The following GABRB1 variants were observed in gnomAD, a reference collection of about 807,000 sequenced individuals.
GABRB1 encodes the protein gamma-aminobutyric acid type A receptor subunit beta1, also known as gamma-aminobutyric acid receptor subunit beta-1.
In GABRB1, 17 loss-of-function variants were observed where a neutral mutation model predicts 51.6. The observed-to-expected ratio is 0.33, with a 90% CI of 0.23 to 0.49. The LOEUF (loss-of-function observed/expected upper bound fraction) is 0.49. GABRB1 is among the 20% of genes least tolerant of loss of function. The probability of loss-of-function intolerance (pLI) is 0.99; values close to 1 mark genes in which losing one functional copy is unlikely to be tolerated. For synonymous variants in GABRB1, 247 were observed against 218.9 expected, an observed-to-expected ratio of 1.13 and a Z score of -1.14; for missense variants, 410 against 600.6, an observed-to-expected ratio of 0.68 and a Z score of 3.32.
intron 4 of GABRB1, among the ~76,000 whole-genome samples, chr4:47,223,690 A>G (rs1010588255): frequency 6.6e-6 from 1 of 152,152 alleles, no homozygotes; most frequent in Non-Finnish European, 1.5e-5. Flanking sequence ...GAATATTCCC[A>G]TGGTCTGAGA....
intron 8 of GABRB1, among the ~76,000 whole-genome samples, chr4:47,414,266 G>T (rs181438219): frequency 6.6e-6 from 1 of 152,134 alleles, no homozygotes; most frequent in Non-Finnish European, 1.5e-5. Context: ...AGGAGGTCCC[G>T]TCGACATGTG....
chr4:47,074,567 TAG>T (rs1345356129), intron 3 of GABRB1, among the ~76,000 whole-genome samples: 1 of 152,174 alleles, frequency 6.6e-6, no homozygotes, highest in African/African-American at 2.4e-5. Context: ...ATAAAGTGCT[TAG>T]CATGTTGCTT....
At chr4:47,230,179 G>T (rs982692363) in intron 4 of GABRB1, among the ~76,000 whole-genome samples, 1 of 152,140 alleles carries the variant, frequency 6.6e-6, no homozygotes, top group African/African-American at 2.4e-5. Context: ...TTTGAGGCTA[G>T]GTAAAAGGAA....
At chr4:47,201,484 C>A (rs6839184) in intron 4 of GABRB1, among the ~76,000 whole-genome samples, 1 of 151,970 alleles carries the variant, frequency 6.6e-6, no homozygotes, top group Admixed American at 6.6e-5. Context: ...TTTATTCTTT[C>A]TCATTCTTTG....
intron 3 of GABRB1, among the ~76,000 whole-genome samples, chr4:47,083,984 G>A (rs1727960626): frequency 6.6e-6 from 1 of 151,446 alleles, no homozygotes; most frequent in Non-Finnish European, 1.5e-5. Flanking sequence ...TTACCCCAAA[G>A]GAAAAAATAT....
At chr4:47,298,021 C>T (rs977800090) in intron 4 of GABRB1, among the ~76,000 whole-genome samples, 4 of 152,108 alleles carry the variant, frequency 2.6e-5, no homozygotes, top group Non-Finnish European at 5.9e-5. Flanking sequence ...GCAGAAAAGG[C>T]CTTTGACAAA....
intron 4 of GABRB1, among the ~76,000 whole-genome samples, chr4:47,211,454 T>C (rs1720354974): frequency 6.6e-6 from 1 of 152,220 alleles, no homozygotes; most frequent in African/African-American, 2.4e-5. Context: ...TAGATGTTTC[T>C]GTCAGGAGAC....
chr4:47,156,487 T>C (rs1717703324), intron 3 of GABRB1, among the ~76,000 whole-genome samples: 1 of 152,046 alleles, frequency 6.6e-6, no homozygotes, highest in Non-Finnish European at 1.5e-5. Context: ...CTAATCTCAC[T>C]GGTGACAACC....
intron 4 of GABRB1, among the ~76,000 whole-genome samples, chr4:47,290,217 T>C (rs1421457963): frequency 6.6e-6 from 1 of 152,182 alleles, no homozygotes; most frequent in Non-Finnish European, 1.5e-5. Flanking sequence ...GGTAATTGAA[T>C]CATGGGGGCA....
chr4:47,413,703 A>G (rs1397595136), intron 8 of GABRB1, among the ~76,000 whole-genome samples: 1 of 152,124 alleles, frequency 6.6e-6, no homozygotes, highest in Non-Finnish European at 1.5e-5. Flanking sequence ...TTCAGTTGTT[A>G]CACATTACTT....
At chr4:47,376,294 C>CA (rs1315726653) in intron 5 of GABRB1, among the ~76,000 whole-genome samples, 1 of 152,126 alleles carries the variant, frequency 6.6e-6, no homozygotes, top group African/African-American at 2.4e-5. Flanking sequence ...ACAACAAACA[C>CA]AAATAAGAGA....
chr4:47,346,266 A>G (rs1726084788), intron 5 of GABRB1, among the ~76,000 whole-genome samples: 1 of 152,190 alleles, frequency 6.6e-6, no homozygotes, highest in African/African-American at 2.4e-5. Context: ...AGAGATGAAT[A>G]GGAGTTAATG....
intron 1 of GABRB1, among the ~76,000 whole-genome samples, chr4:46,999,360 C>T (rs1297280852): frequency 6.6e-6 from 1 of 152,108 alleles, no homozygotes; most frequent in African/African-American, 2.4e-5. Context: ...CATATTCATA[C>T]CATATGACCA....
chr4:47,238,704 C>G (rs753646250), intron 4 of GABRB1, among the ~76,000 whole-genome samples: 1 of 151,878 alleles, frequency 6.6e-6, no homozygotes, highest in Non-Finnish European at 1.5e-5. Context: ...TCCTAAGTGT[C>G]GAAAAGTTTT....
At position 47,246,337 on chromosome 4, in the gene GABRB1, CATATATATATATATAT is replaced by C. The variant is rs60968247; in HGVS notation, c.462-73746_462-73731del. Among the ~76,000 whole-genome samples, 170 of 53,284 alleles carry C rather than the reference CATATATATATATATAT, an allele frequency of 3.2e-3. 2 individuals are homozygous for C. Among genetic ancestry groups the C allele is most frequent in the Non-Finnish European group, 4.6e-3 (113 of 24,484 alleles). The allele number at this position is 53,284 out of a possible 152,430, so 35.0% of individuals were successfully genotyped here. A position where few individuals can be genotyped will look rare whatever the true frequency, so the allele number is the denominator to read the frequency against. On this transcript the variant is annotated intron_variant, in intron 4 of 8. Coordinates refer to ENST00000295454, the MANE Select transcript of GABRB1 (RefSeq NM_000812.4). Reference sequence around the variant, plus strand: ...ACACACACACACACACACATATGTACATATATATATATATATATATATATATATATATATATATATA... The same window carrying C: ...ACACACACACACACACACATATGTACATATATATATATATATATATATATA...
chr4:47,182,582 G>A (rs185539183), intron 4 of GABRB1, among the ~76,000 whole-genome samples: 1 of 151,810 alleles, frequency 6.6e-6, no homozygotes, highest in African/African-American at 2.4e-5. Flanking sequence ...TAATTATTCT[G>A]GTCCTTCTCT....
intron 4 of GABRB1, among the ~76,000 whole-genome samples, chr4:47,251,858 G>A (rs1171195722): frequency 1.3e-5 from 2 of 152,140 alleles, no homozygotes; most frequent in Admixed American, 6.5e-5. Flanking sequence ...ACAGCCCTGA[G>A]TCTATTTTCA....
At chr4:47,360,905 C>T (rs1025074124) in intron 5 of GABRB1, among the ~76,000 whole-genome samples, 4 of 152,066 alleles carry the variant, frequency 2.6e-5, no homozygotes, top group Non-Finnish European at 5.9e-5. Context: ...ATACATCAAA[C>T]ACATTCTAAA....
intron 8 of GABRB1, among the ~76,000 whole-genome samples, chr4:47,407,728 T>C (rs1464142144): frequency 6.6e-6 from 1 of 152,222 alleles, no homozygotes; most frequent in Non-Finnish European, 1.5e-5. Context: ...CTCACCCTCA[T>C]GGAGCTTAGG....
Sources: gnomAD v4.1 joint callset for allele counts (sites outside exome capture counted in the v4.1 genomes callset) on GRCh38, gnomAD v4.1.1 for gene constraint, MANE v1.5 for transcripts, NCBI Gene and HGNC (gene_info 2026-07-23, HGNC 2026-07-21) for gene names.